MIGA2: variants seen among roughly 807,000 people sequenced by gnomAD.
MIGA2 encodes the protein family with sequence similarity 73, member B.
In MIGA2, 36 loss-of-function variants were observed where a neutral mutation model predicts 69.9. The ratio of observed to expected loss-of-function variants is 0.52; its 90% CI spans 0.39 to 0.68. MIGA2 has a LOEUF of 0.68. Among genes scored for constraint, MIGA2 ranks in the 30% least tolerant of loss-of-function variants. MIGA2 has a pLI of 0.00. For missense variants in MIGA2, 660 were observed against 787.7 expected (o/e 0.84, Z 1.94); for synonymous variants, 333 against 349.2 (o/e 0.95, Z 0.52).
At chr9:129,037,777 G>A (rs1014026360) in intron 1 of MIGA2, among the ~76,000 whole-genome samples, 2 of 152,190 alleles carry the variant, frequency 1.3e-5, no homozygotes, top group Non-Finnish European at 2.9e-5. Context: ...TCCTACAGTT[G>A]TGGCCTGGAA....
In MIGA2 at chr9:129,069,503, C is replaced by T; in HGVS notation, c.1459-346C>T. The T allele has an allele frequency of 4.0e-6, 2 of 504,936 alleles. No individual in the cohort carries two copies. The highest frequency in any genetic ancestry group is 3.6e-5 in the East Asian group (1 of 27,512). The allele number at this position is 504,936 out of a possible 1,614,324, so 31.3% of individuals were successfully genotyped here. On this transcript the variant is annotated intron_variant, in intron 14 of 15. Coordinates refer to ENST00000684074, the MANE Select transcript of MIGA2 (RefSeq NM_001329990.2). This position sits in a 1 kb window ranked among gnomAD's most constrained non-coding sequence, Gnocchi z 4.9. Reference sequence around the variant, plus strand: ...AGTCAGGCCCCTGTAATCTCCGCTCCCAGGCAGCGACTGGCTGTGCTATCT... The same window carrying T: ...AGTCAGGCCCCTGTAATCTCCGCTCTCAGGCAGCGACTGGCTGTGCTATCT...
chr9:129,063,547 G>C lies in MIGA2; in HGVS notation c.1086G>C (p.Gly362=). 6.2e-7 allele frequency: 1 copy of C among 1,612,894 alleles called. No individual in the cohort carries two copies. Among genetic ancestry groups the C allele is most frequent in the Non-Finnish European group, 8.5e-7 (1 of 1,179,528 alleles). The change falls in exon 11 of 16, where the codon GGG becomes GGC. Residue 362 remains glycine (G), a splice_region_variant and synonymous_variant. Transcript: ENST00000684074. ...KLHCVRQAFE[G]LLEDKSNQLF... ...CCCCTCCCTTCCTCCTTCCCTAGGG[G>C]CTTCTGGAAGACAAGAGTAACCAGC...
chr9:129,051,278 TTA>T (rs1845519262), intron 6 of MIGA2: 6 of 183,904 alleles, frequency 3.3e-5, no homozygotes, highest in African/African-American at 7.4e-5. Flanking sequence ...ATTTATTTAT[TTA>T]TTTATTTTTT....
In MIGA2 at chr9:129,072,002, T is replaced by C. The variant is rs999594763; in HGVS notation, c.*1549T>C. Reference sequence around the variant, plus strand: ...TCCATGCACTGCCTGTAGCAGTCGATTGTCACAGCTTCGACTTTTGGATGG... The same window carrying C: ...TCCATGCACTGCCTGTAGCAGTCGACTGTCACAGCTTCGACTTTTGGATGG... On this transcript the variant is annotated 3_prime_UTR_variant, in exon 16 of 16. Coordinates refer to ENST00000684074, the MANE Select transcript of MIGA2 (RefSeq NM_001329990.2). 1.3e-5 allele frequency: 2 copies of C among 152,726 alleles called. No homozygotes were observed. Among genetic ancestry groups the C allele is most frequent in the African/African-American group, 4.8e-5 (2 of 41,480 alleles). 9.5% of individuals were successfully genotyped at this position (152,726 alleles called of 1,614,324 possible).
Position 129,059,085 on chromosome 9 carries a change from G to T in MIGA2, c.676-69G>T, listed in dbSNP as rs1353096408. 4.3e-6 allele frequency: 6 copies of T among 1,406,234 alleles called. No homozygotes were observed. The highest frequency in any genetic ancestry group is 2.8e-5 in the African/African-American group (2 of 71,018). The allele number at this position is 1,406,234 out of a possible 1,614,324, so 87.1% of individuals were successfully genotyped here. ...CTCCCCTTTCCCCAGGGACCTGGGG[G>T]TGAGGGAAGGGGCCATTTTCATCGG... On this transcript the variant is annotated intron_variant, in intron 6 of 15. Transcript: ENST00000684074. This position sits in a 1 kb window ranked among gnomAD's most constrained non-coding sequence, Gnocchi z 5.6.
At position 129,060,083 on chromosome 9, in the gene MIGA2, C is replaced by T. The variant is rs1353562461; in HGVS notation, c.794-467C>T. On this transcript the variant is annotated intron_variant, in intron 7 of 15. Coordinates refer to ENST00000684074, the MANE Select transcript of MIGA2 (RefSeq NM_001329990.2). This position sits in a 1 kb window ranked among gnomAD's most constrained non-coding sequence, Gnocchi z 4.8. ...CTGAGCACCCTTGGAGGTCCACACC[C>T]CTCAGCCCTTGGGCGAGCACGGAGG... Among the ~76,000 whole-genome samples the T allele has an allele frequency of 1.3e-5, 2 of 152,210 alleles. No homozygotes were observed. Among genetic ancestry groups the T allele is most frequent in the Non-Finnish European group, 2.9e-5 (2 of 68,034 alleles).
chr9:129,065,973 G>A (rs1488011681), intron 11 of MIGA2, among the ~76,000 whole-genome samples: 1 of 152,206 alleles, frequency 6.6e-6, no homozygotes, highest in East Asian at 1.9e-4. Context: ...AACTCTCCTG[G>A]CACAGATGTG....
Position 129,059,281 on chromosome 9 carries a change from G to A in MIGA2, c.793+10G>A. On this transcript the variant is annotated intron_variant, in intron 7 of 15. Transcript: ENST00000684074. This position sits in a 1 kb window ranked among gnomAD's most constrained non-coding sequence, Gnocchi z 5.6. The stretch of plus-strand genomic sequence containing the variant: ...ATGCTGCTAGACCTCGGTGAGCTGG[G>A]CCCAGTGCAGGTGGGGTGGGCGTGG... 6.4e-7 allele frequency: 1 copy of A among 1,560,008 alleles called. No homozygotes were observed. The highest frequency in any genetic ancestry group is 8.7e-7 in the Non-Finnish European group (1 of 1,149,362).
At chr9:129,062,109 T>C (rs1436699064) in intron 9 of MIGA2, among the ~76,000 whole-genome samples, 2 of 149,522 alleles carry the variant, frequency 1.3e-5, no homozygotes, top group Admixed American at 6.7e-5. Flanking sequence ...GGTCTCAAAC[T>C]CCTCACCTCA....
intron 6 of MIGA2, among the ~76,000 whole-genome samples, chr9:129,055,213 G>T (rs529812995): frequency 6.6e-6 from 1 of 152,000 alleles, no homozygotes; most frequent in South Asian, 2.1e-4. Context: ...GAGTAGCTGG[G>T]ATTACAGGTG....
chr9:129,066,741 C>T (rs574257428), intron 11 of MIGA2, among the ~76,000 whole-genome samples: 2 of 150,916 alleles, frequency 1.3e-5, no homozygotes, highest in African/African-American at 4.9e-5. Context: ...AGGCAGATCA[C>T]AAGGTCAGGA....
chr9:129,055,196 G>A (rs950034722), intron 6 of MIGA2, among the ~76,000 whole-genome samples: 1 of 150,946 alleles, frequency 6.6e-6, no homozygotes, highest in Non-Finnish European at 1.5e-5. Flanking sequence ...TCCTGCCTCA[G>A]CCTCCTGAGT....
chr9:129,050,567 C>T (rs1845469840), intron 6 of MIGA2, among the ~76,000 whole-genome samples: 1 of 148,114 alleles, frequency 6.8e-6, no homozygotes, highest in Non-Finnish European at 1.5e-5. Context: ...GCCATCGTAC[C>T]CAGCTGTTTT....
chr9:129,043,579 A>G (rs1211764293), intron 3 of MIGA2, among the ~76,000 whole-genome samples: 2 of 149,090 alleles, frequency 1.3e-5, no homozygotes, highest in Non-Finnish European at 3.0e-5. Context: ...TAGAGACGGG[A>G]TTTCGCCACG....
intron 3 of MIGA2, among the ~76,000 whole-genome samples, chr9:129,044,137 G>T (rs966878692): frequency 6.6e-6 from 1 of 151,584 alleles, no homozygotes; most frequent in African/African-American, 2.4e-5. Flanking sequence ...GGGATTACAG[G>T]TGCATGAAAC....
chr9:129,041,204 G>A (rs760015559), intron 2 of MIGA2, among the ~76,000 whole-genome samples: 2 of 152,192 alleles, frequency 1.3e-5, no homozygotes, highest in African/African-American at 2.4e-5. Flanking sequence ...GCATGGTGGT[G>A]TGCACCTGTA....
At chr9:129,064,280 C>T (rs555333280) in intron 11 of MIGA2, among the ~76,000 whole-genome samples, 1 of 151,866 alleles carries the variant, frequency 6.6e-6, no homozygotes, top group South Asian at 2.1e-4. Context: ...GATCTCGGCT[C>T]ACTGCAAGCT....
In MIGA2 at chr9:129,060,718, C is replaced by T; in HGVS notation, c.894+68C>T. The T allele has an allele frequency of 7.6e-7, 1 of 1,310,370 alleles. No individual in the cohort carries two copies. The highest frequency in any genetic ancestry group is 2.5e-5 in the East Asian group (1 of 39,638). 81.2% of individuals were successfully genotyped at this position (1,310,370 alleles called of 1,614,324 possible). ...GGGCCTCCTCTGCAGGTCCATGGGG[C>T]CAGCACTGGGTCATGGGAAAGTGGA... On this transcript the variant is annotated intron_variant, in intron 8 of 15. Coordinates refer to ENST00000684074, the MANE Select transcript of MIGA2 (RefSeq NM_001329990.2). This position sits in a 1 kb window ranked among gnomAD's most constrained non-coding sequence, Gnocchi z 4.8.
chr9:129,045,441 CAAAAAAAAAAAAA>C (rs766649271), intron 3 of MIGA2, among the ~76,000 whole-genome samples: 4 of 20,056 alleles, frequency 2.0e-4, no homozygotes, highest in South Asian at 1.5e-3. Flanking sequence ...GACTCTGTCT[CAAAAAAAAAAAAA>C]AAAAAAAAAA....
Sources: allele counts gnomAD v4.1 joint callset (sites outside exome capture counted in the v4.1 genomes callset), GRCh38; gene constraint gnomAD v4.1.1; non-coding constraint Gnocchi (gnomAD v3.1); transcripts MANE v1.5; gene names NCBI Gene and HGNC (gene_info 2026-07-23, HGNC 2026-07-21).